Variants in FAM240B observed in about 807,000 individuals in gnomAD.
The protein encoded by FAM240B is protein FAM240B.
intron 2 of FAM240B, among the ~76,000 whole-genome samples, chr9:38,700,308 A>G (rs1821111158): frequency 6.6e-6 from 1 of 152,214 alleles, no homozygotes; most frequent in Admixed American, 6.5e-5. Flanking sequence ...GATACAATTG[A>G]TAGGCAGCCT....
chr9:38,697,976 T>G (rs1821086088), intron 2 of FAM240B, among the ~76,000 whole-genome samples: 1 of 152,370 alleles, frequency 6.6e-6, no homozygotes, highest in South Asian at 2.1e-4. Flanking sequence ...GTAAATAAGG[T>G]TTTATTGAAA....
At chr9:38,719,783 A>C (rs975933578) in intron 1 of FAM240B, among the ~76,000 whole-genome samples, 1 of 152,318 alleles carries the variant, frequency 6.6e-6, no homozygotes, top group South Asian at 2.1e-4. Flanking sequence ...ACACTCTTTA[A>C]CATGAAATTT....
intron 1 of FAM240B, among the ~76,000 whole-genome samples, chr9:38,717,092 G>A (rs1164746133): frequency 6.6e-6 from 1 of 152,138 alleles, no homozygotes; most frequent in Non-Finnish European, 1.5e-5. Flanking sequence ...CGGCACCCTC[G>A]GGAAGGTGTG....
At chr9:38,712,846 T>C (rs1450837761) in intron 1 of FAM240B, among the ~76,000 whole-genome samples, 1 of 152,236 alleles carries the variant, frequency 6.6e-6, no homozygotes, top group Non-Finnish European at 1.5e-5. Context: ...GTGCTGATAC[T>C]GGGCTGTGAA....
chr9:38,712,132 T>C lies in FAM240B; in HGVS notation c.-4+7890A>G, dbSNP rs187809178. ...CAATATGACTGAGTTCTTGGGTAGC[T>C]TGGAGTTTTAACTAAAAAAGGACTT... On this transcript the variant is annotated intron_variant, in intron 1 of 2. Transcript: ENST00000637493. Among the ~76,000 whole-genome samples the C allele has an allele frequency of 4.8e-3, 727 of 152,214 alleles. 7 individuals carry two copies. The highest frequency in any genetic ancestry group is 0.017 in the African/African-American group (689 of 41,550).
rs189860636 is a variant in FAM240B at position 38,706,343 on chromosome 9, C to T, written c.-3-2341G>A. ...CCTGGAGCCTGCACTCTTCCCACCG[C>T]TCCCGGACACTCCCTGGAAAGAGGA... On this transcript the variant is annotated intron_variant, in intron 1 of 2. Transcript: ENST00000637493. Among the ~76,000 whole-genome samples, 300 of 152,236 alleles carry T rather than the reference C, an allele frequency of 2.0e-3. 4 individuals carry two copies. Among genetic ancestry groups the T allele is most frequent in the South Asian group, 6.5e-3 (31 of 4,804 alleles).
At chr9:38,719,787 GA>G (rs1821350885) in intron 1 of FAM240B, among the ~76,000 whole-genome samples, 1 of 152,122 alleles carries the variant, frequency 6.6e-6, no homozygotes, top group African/African-American at 2.4e-5. Flanking sequence ...TCTTTAACAT[GA>G]AATTTCTGCA....
At chr9:38,713,954 C>G in intron 1 of FAM240B, among the ~76,000 whole-genome samples, 1 of 152,058 alleles carries the variant, frequency 6.6e-6, no homozygotes, top group East Asian at 1.9e-4. Context: ...TATTGCCCTC[C>G]CCCTCACAAC....
intron 1 of FAM240B, among the ~76,000 whole-genome samples, chr9:38,711,028 G>A (rs142540991): frequency 2.0e-5 from 3 of 152,190 alleles, no homozygotes; most frequent in East Asian, 1.9e-4. Context: ...GCTGGATACC[G>A]AGAAAGCAGG....
chr9:38,715,556 C>T (rs980571361), intron 1 of FAM240B, among the ~76,000 whole-genome samples: 2 of 152,236 alleles, frequency 1.3e-5, no homozygotes, highest in African/African-American at 2.4e-5. Flanking sequence ...TGCCACTCAA[C>T]TCCAAGCAAC....
intron 1 of FAM240B, among the ~76,000 whole-genome samples, chr9:38,712,563 T>C (rs558671023): frequency 1.3e-5 from 2 of 152,264 alleles, no homozygotes; most frequent in East Asian, 3.9e-4. Context: ...AGAGGTTGAC[T>C]TTCCCCAAGC....
rs1821187463 is a variant in FAM240B, at chr9:38,706,050, C to T, written c.-3-2048G>A. Among the ~76,000 whole-genome samples the T allele has an allele frequency of 1.3e-5, 2 of 152,160 alleles. 1 individual carries two copies. Among genetic ancestry groups the T allele is most frequent in the Non-Finnish European group, 2.9e-5 (2 of 68,042 alleles). ...GCGGGTGGTTCTCACTGGTCACACA[C>T]AGCTACGTGAGGGCCATTGTTTTCT... On this transcript the variant is annotated intron_variant, in intron 1 of 2. Transcript: ENST00000637493.
At chr9:38,708,449 A>G (rs1368559783) in intron 1 of FAM240B, among the ~76,000 whole-genome samples, 1 of 152,162 alleles carries the variant, frequency 6.6e-6, no homozygotes, top group East Asian at 1.9e-4. Context: ...GGTCATGTAG[A>G]CACAGCTGTC....
Position 38,694,595 on chromosome 9 carries a change from G to C in FAM240B, c.*181C>G, listed in dbSNP as rs775439064. Reference sequence around the variant, plus strand: ...GTCATCCTGTCCTCTGTGCGGAGGGGATTGAGCAGGATAATAACTCCCATT... The same window carrying C: ...GTCATCCTGTCCTCTGTGCGGAGGGCATTGAGCAGGATAATAACTCCCATT... On this transcript the variant is annotated 3_prime_UTR_variant, in exon 3 of 3. Transcript: ENST00000637493. 7 of 392,886 alleles carry C rather than the reference G, an allele frequency of 1.8e-5. No individual in the cohort carries two copies. The highest frequency in any genetic ancestry group is 2.7e-5 in the Non-Finnish European group (6 of 223,076). 24.3% of individuals were successfully genotyped at this position (392,886 alleles called of 1,614,324 possible).
chr9:38,703,813 G>A (rs992123231), intron 2 of FAM240B, 44 bp downstream of exon 2: 5 of 399,228 alleles, frequency 1.3e-5, no homozygotes, highest in African/African-American at 8.2e-5. Flanking sequence ...CATATCTCTG[G>A]AAAATCCACT....
intron 1 of FAM240B, among the ~76,000 whole-genome samples, chr9:38,712,558 T>G (rs963898400): frequency 6.6e-6 from 1 of 152,128 alleles, no homozygotes; most frequent in African/African-American, 2.4e-5. Flanking sequence ...ATCTGAGAGG[T>G]TGACTTTCCC....
intron 1 of FAM240B, among the ~76,000 whole-genome samples, chr9:38,708,252 G>C (rs1030607353): frequency 6.6e-6 from 1 of 152,128 alleles, no homozygotes; most frequent in Non-Finnish European, 1.5e-5. Context: ...TCGCTGCAGG[G>C]CACCCTGAAC....
intron 2 of FAM240B, among the ~76,000 whole-genome samples, chr9:38,696,693 A>G (rs1227515684): frequency 6.6e-6 from 1 of 152,122 alleles, no homozygotes; most frequent in East Asian, 1.9e-4. Flanking sequence ...GGGCGCCTGT[A>G]ATCCCAGCTA....
chr9:38,717,164 T>C (rs1275393768), intron 1 of FAM240B, among the ~76,000 whole-genome samples: 1 of 152,200 alleles, frequency 6.6e-6, no homozygotes, highest in Non-Finnish European at 1.5e-5. Context: ...TTCCCTCTCT[T>C]AGGCTGCTTC....
Sources: allele counts gnomAD v4.1 joint callset (sites outside exome capture counted in the v4.1 genomes callset), GRCh38; gene constraint gnomAD v4.1.1; transcripts MANE v1.5; gene names NCBI Gene and HGNC (gene_info 2026-07-23, HGNC 2026-07-21).